RPTOR: variants seen among roughly 807,000 people sequenced by gnomAD.
RPTOR encodes the protein regulatory associated protein of MTOR complex 1, also known as regulatory-associated protein of mTOR.
A neutral mutation model predicts 169.9 loss-of-function variants in RPTOR; 21 were observed. That is an observed-to-expected ratio of 0.12 (90% CI 0.09 to 0.18). The LOEUF (loss-of-function observed/expected upper bound fraction) is 0.18, where lower values mean the gene tolerates loss of function less well. RPTOR is among the 10% of genes least tolerant of loss of function. The pLI, the probability that RPTOR is intolerant of heterozygous loss-of-function variation, is 1.00. For synonymous variants in RPTOR, 732 were observed against 753.2 expected, an observed-to-expected ratio of 0.97 and a Z score of 0.46; for missense variants, 1,133 against 1,855.9, an observed-to-expected ratio of 0.61 and a Z score of 7.16.
chr17:80,889,294 A>G (rs1013844135), intron 17 of RPTOR, among the ~76,000 whole-genome samples: 3 of 152,210 alleles, frequency 2.0e-5, no homozygotes, highest in South Asian at 2.1e-4. Context: ...AGGATCACGC[A>G]TGGACTCTGA....
chr17:80,866,296 G>C (rs939736568), intron 13 of RPTOR, among the ~76,000 whole-genome samples: 15 of 152,056 alleles, frequency 9.9e-5, no homozygotes, highest in African/African-American at 3.6e-4. Context: ...ACCCAGCTCT[G>C]AACAGTGCTG....
intron 4 of RPTOR, among the ~76,000 whole-genome samples, chr17:80,712,224 T>C (rs1396665977): frequency 6.6e-6 from 1 of 152,218 alleles, no homozygotes; most frequent in Non-Finnish European, 1.5e-5. Context: ...TTATAATTAA[T>C]GATGTCCATA....
At chr17:80,733,556 T>A (rs2066409686) in intron 5 of RPTOR, among the ~76,000 whole-genome samples, 1 of 152,264 alleles carries the variant, frequency 6.6e-6, no homozygotes, top group Non-Finnish European at 1.5e-5. Flanking sequence ...CTGAGACCAC[T>A]GCTTCTTGAT....
chr17:80,739,122 G>C (rs937511686), intron 5 of RPTOR, among the ~76,000 whole-genome samples: 1 of 49,368 alleles, frequency 2.0e-5, no homozygotes, highest in African/African-American at 8.6e-5. Flanking sequence ...GCCTGGCCCT[G>C]CTTGCTGTCG....
chr17:80,807,239 A>T (rs897050163), intron 7 of RPTOR, among the ~76,000 whole-genome samples: 1 of 152,210 alleles, frequency 6.6e-6, no homozygotes, highest in Non-Finnish European at 1.5e-5. Flanking sequence ...TAAAGTATTT[A>T]GTTTGTTTAC....
chr17:80,875,244 G>A (rs2068094100), intron 13 of RPTOR, among the ~76,000 whole-genome samples: 1 of 152,202 alleles, frequency 6.6e-6, no homozygotes, highest in Admixed American at 6.5e-5. Context: ...CTTGTAGAAG[G>A]CAGGGCCTTG....
At chr17:80,954,566 C>G (rs757946122) in intron 28 of RPTOR, among the ~76,000 whole-genome samples, 158 of 152,224 alleles carry the variant, frequency 1.0e-3, no homozygotes, top group Non-Finnish European at 1.2e-3. Context: ...TGGCCTGGGA[C>G]TGCATTTCAA....
At chr17:80,662,880 G>C (rs1475997732) in intron 3 of RPTOR, among the ~76,000 whole-genome samples, 1 of 152,138 alleles carries the variant, frequency 6.6e-6, no homozygotes, top group Admixed American at 6.5e-5. Flanking sequence ...TATCATCCTT[G>C]CTTTAAAGTT....
At chr17:80,585,298 G>A (rs966141399) in intron 1 of RPTOR, among the ~76,000 whole-genome samples, 2 of 151,442 alleles carry the variant, frequency 1.3e-5, no homozygotes, top group African/African-American at 4.9e-5. Flanking sequence ...TCCGCTTCCC[G>A]GGTTCAAGCG....
intron 3 of RPTOR, among the ~76,000 whole-genome samples, chr17:80,700,454 A>ATGG (rs759730484): frequency 4.0e-5 from 4 of 100,932 alleles, no homozygotes; most frequent in Non-Finnish European, 8.5e-5. Flanking sequence ...GGTGGTGGTG[A>ATGG]TGGTGGTGGT....
At chr17:80,653,932 G>A (rs1011793294) in intron 3 of RPTOR, among the ~76,000 whole-genome samples, 3 of 152,178 alleles carry the variant, frequency 2.0e-5, no homozygotes, top group African/African-American at 4.8e-5. Context: ...GCATTGTGTC[G>A]CTGGATTTTC....
intron 24 of RPTOR, among the ~76,000 whole-genome samples, chr17:80,931,933 AACCAAGGGAGGGTGGGGTGGG>A (rs1264564639): frequency 7.0e-6 from 1 of 142,578 alleles, no homozygotes; most frequent in Non-Finnish European, 1.5e-5. Context: ...GAAAGCCAAA[AACCAAGGGAGGGTGGGGTGGG>A]AACCCTGGCA....
At chr17:80,930,503 T>TCATCCC (rs2068883244) in intron 24 of RPTOR, among the ~76,000 whole-genome samples, 1 of 8,754 alleles carries the variant, frequency 1.1e-4, no homozygotes, top group African/African-American at 3.9e-4. Context: ...CAGCTCATCC[T>TCATCCC]CAGCTCATCT....
At chr17:80,634,541 C>CCG (rs2065480050) in intron 2 of RPTOR, among the ~76,000 whole-genome samples, 2 of 92,412 alleles carry the variant, frequency 2.2e-5, no homozygotes, top group Non-Finnish European at 2.1e-5. Context: ...CATGTGCGTA[C>CCG]TGTGTGTGTG....
chr17:80,726,743 G>A lies in RPTOR; in HGVS notation c.508-3817G>A, dbSNP rs1424289988. 6.6e-6 allele frequency among the ~76,000 whole-genome samples: 1 copy of A among 152,102 alleles called. No individual in the cohort carries two copies. The highest frequency in any genetic ancestry group is 2.1e-4 in the South Asian group (1 of 4,828). On this transcript the variant is annotated intron_variant, in intron 4 of 33. Coordinates refer to ENST00000306801, the MANE Select transcript of RPTOR (RefSeq NM_020761.3). The surrounding 1 kb of genome is among the most constrained non-coding windows in gnomAD (Gnocchi z 4.5). ...GGCAAGTTGTATTCAGATGCTGTTC[G>A]CTAAGCCCAGAACATTATAGGAGGT...
At chr17:80,753,866 C>T (rs924081858) in intron 5 of RPTOR, 144 bp from the exon 6 acceptor site, 18 of 758,988 alleles carry the variant, frequency 2.4e-5, no homozygotes, top group African/African-American at 5.2e-5. Context: ...TCAGCAGCGA[C>T]GCCTCTCTCC....
intron 5 of RPTOR, among the ~76,000 whole-genome samples, chr17:80,743,893 TCCTGGTTACGAGCACAGC>T (rs1567887659): frequency 4.6e-4 from 15 of 32,622 alleles, no homozygotes; most frequent in African/African-American, 2.9e-3. Context: ...ACTAGCACTG[TCCTGGTTACGAGCACAGC>T]CCTGGTTACT....
intron 20 of RPTOR, among the ~76,000 whole-genome samples, chr17:80,895,962 C>T (rs2068393934): frequency 1.3e-5 from 2 of 152,278 alleles, no homozygotes; most frequent in Non-Finnish European, 2.9e-5. Context: ...ATATATCCAT[C>T]GAAAATGCAT....
chr17:80,630,281 G>A (rs146459453), intron 2 of RPTOR, among the ~76,000 whole-genome samples: 129 of 152,288 alleles, frequency 8.5e-4, no homozygotes, highest in Middle Eastern at 3.4e-3. Flanking sequence ...GAACAATAGC[G>A]AATGAGGTAA....
Sources: allele counts gnomAD v4.1 joint callset (sites outside exome capture counted in the v4.1 genomes callset), GRCh38; gene constraint gnomAD v4.1.1; non-coding constraint Gnocchi (gnomAD v3.1); transcripts MANE v1.5; gene names NCBI Gene and HGNC (gene_info 2026-07-23, HGNC 2026-07-21).